Variants in EPS15 observed in about 807,000 individuals in gnomAD.
The protein encoded by EPS15 is epidermal growth factor receptor substrate 15.
A neutral mutation model predicts 113.8 loss-of-function variants in EPS15; 72 were observed. That is an observed-to-expected ratio of 0.63 (90% CI 0.52 to 0.77). The LOEUF is 0.77. Among genes scored for constraint, EPS15 ranks in the 30% least tolerant of loss-of-function variants. The pLI is 0.00. For synonymous variants in EPS15, 344 were observed against 363.4 expected (o/e 0.95, Z 0.61); for missense variants, 1,048 against 1,045.8 (o/e 1.00, Z -0.03).
Position 51,400,936 on chromosome 1 carries a change from C to A in EPS15, c.1900G>T (p.Asp634Tyr). The A allele has an allele frequency of 6.3e-7, 1 of 1,587,666 alleles. No individual in the cohort carries two copies. Reference protein sequence around the residue: ...PFVGSDPFKDDPFGKIDPFGG... With the variant: ...PFVGSDPFKDYPFGKIDPFGG... ...TACTGACCGATTTTTCCAAAAGGATCATCCTTGAAAGGATCACCTGTGATA... is the reference window on the plus strand; with the variant it reads ...TACTGACCGATTTTTCCAAAAGGATAATCCTTGAAAGGATCACCTGTGATA... The change falls in exon 19 of 25, where the codon GAT becomes TAT. Residue 634 changes from aspartate (D) to tyrosine (Y), a missense_variant. Physicochemically the swap from Asp to Tyr is radical, Grantham distance 160. Transcript: ENST00000371733.
In EPS15 at chr1:51,463,672, C is replaced by T. The variant is rs751317287; in HGVS notation, c.501+1G>A. 3 of 1,569,376 alleles carry T rather than the reference C, an allele frequency of 1.9e-6. No homozygotes were observed. The highest frequency in any genetic ancestry group is 1.2e-5 in the South Asian group (1 of 86,604). On this transcript the variant is annotated splice_donor_variant, in intron 7 of 24. Transcript: ENST00000371733. LOFTEE classifies it high-confidence loss of function. ...ACATTTCGGAGTAAATAATATCTTA[C>T]TCTTCCAAGGATATCCACAGGTAAC...
At chr1:51,479,039 T>C (rs1038441154) in intron 2 of EPS15, among the ~76,000 whole-genome samples, 1 of 152,230 alleles carries the variant, frequency 6.6e-6, no homozygotes, top group African/African-American at 2.4e-5. Flanking sequence ...CTGGATAATA[T>C]CCTGAAGAGT....
intron 1 of EPS15, among the ~76,000 whole-genome samples, chr1:51,501,069 G>A (rs369166187): frequency 2.6e-5 from 4 of 151,894 alleles, no homozygotes; most frequent in African/African-American, 4.8e-5. Context: ...AAGAAAAAAC[G>A]TACTATAAAT....
chr1:51,434,226 G>C (rs972338961), intron 12 of EPS15, among the ~76,000 whole-genome samples: 2 of 152,208 alleles, frequency 1.3e-5, no homozygotes, highest in African/African-American at 4.8e-5. Flanking sequence ...GCAGGGTCTT[G>C]AAATGGTATT....
intron 1 of EPS15, among the ~76,000 whole-genome samples, chr1:51,510,504 A>G (rs1320961416): frequency 6.6e-6 from 1 of 152,230 alleles, no homozygotes; most frequent in Non-Finnish European, 1.5e-5. Flanking sequence ...TAGGTGTTCT[A>G]GAAGCATCAG....
At chr1:51,493,532 A>T (rs201113797) in intron 1 of EPS15, among the ~76,000 whole-genome samples, 2 of 39,588 alleles carry the variant, frequency 5.1e-5, no homozygotes, top group African/African-American at 1.2e-4. Flanking sequence ...CTCAAATTAA[A>T]TAAATAAATA....
chr1:51,503,453 T>C (rs1570441628), intron 1 of EPS15, among the ~76,000 whole-genome samples: 6 of 152,232 alleles, frequency 3.9e-5, no homozygotes, highest in Admixed American at 1.3e-4. Context: ...CTAGCCAACA[T>C]GGTCTACTCT....
At chr1:51,372,483 TATTTGGA>T (rs1390194274) in intron 21 of EPS15, 1 of 533,476 alleles carries the variant, frequency 1.9e-6, no homozygotes, top group African/African-American at 1.9e-5. Context: ...AGACCATGAT[TATTTGGA>T]AAACATGTAT....
chr1:51,490,973 A>G (rs1332161709), intron 1 of EPS15, among the ~76,000 whole-genome samples: 1 of 152,160 alleles, frequency 6.6e-6, no homozygotes, highest in African/African-American at 2.4e-5. Flanking sequence ...GGGTGCATAG[A>G]GCCTCTCGGT....
chr1:51,423,356 TTA>T, intron 12 of EPS15: 3 of 1,115,144 alleles, frequency 2.7e-6, no homozygotes, highest in Non-Finnish European at 3.4e-6. Flanking sequence ...CTTATATAAA[TTA>T]AGCAAATTCA....
At position 51,394,441 on chromosome 1, in the gene EPS15, T is replaced by C. The variant is rs1647707033; in HGVS notation, c.2059A>G (p.Thr687Ala). 1 of 1,600,282 alleles carries C rather than the reference T, an allele frequency of 6.2e-7. No homozygotes were observed. The highest frequency in any genetic ancestry group is 1.3e-5 in the African/African-American group (1 of 74,732). ...ANNSSITSVE[T>A]LKHNDPFAPG... is the part of the protein sequence containing the mutation. The stretch of plus-strand genomic sequence containing the variant: ...GCAAAAGGATCATTGTGCTTCAACG[T>C]TTCTACCTAAACAAAGCATACAAAA... Residue 687 changes from threonine to alanine, a missense_variant, in exon 21 of 25, where the codon ACG becomes GCG. Physicochemically the swap from Thr to Ala is moderately conservative, Grantham distance 58. Coordinates refer to ENST00000371733, the MANE Select transcript of EPS15 (RefSeq NM_001981.3).
chr1:51,451,505 A>AAAAAAGAAAG (rs763389428), intron 8 of EPS15, among the ~76,000 whole-genome samples: 1,768 of 147,126 alleles, frequency 0.012, 8 homozygotes, highest in Non-Finnish European at 0.016. Flanking sequence ...AAAAAAAAAA[A>AAAAAAGAAAG]AAAGAAAGAA....
At chr1:51,411,857 G>A (rs1241742231) in intron 13 of EPS15, among the ~76,000 whole-genome samples, 1 of 152,150 alleles carries the variant, frequency 6.6e-6, no homozygotes, top group African/African-American at 2.4e-5. Flanking sequence ...CCATTACTGG[G>A]TATATACCCA....
intron 2 of EPS15, among the ~76,000 whole-genome samples, chr1:51,478,520 C>T (rs1446863395): frequency 1.3e-5 from 2 of 151,410 alleles, no homozygotes; most frequent in African/African-American, 2.4e-5. Context: ...GGTTGTTTCG[C>T]TTGTTAGTTG....
intron 3 of EPS15, among the ~76,000 whole-genome samples, 190 bp from the exon 4 acceptor site, chr1:51,471,927 CA>C (rs1655269127): frequency 6.6e-6 from 1 of 152,078 alleles, no homozygotes. Context: ...CCACAGGCCA[CA>C]TGCAGCCCAG....
intron 12 of EPS15, among the ~76,000 whole-genome samples, chr1:51,438,582 A>G (rs1357757643): frequency 6.6e-6 from 1 of 152,202 alleles, no homozygotes; most frequent in Non-Finnish European, 1.5e-5. Context: ...CATAGGCTTA[A>G]GAGGCCCAGA....
chr1:51,490,983 T>C (rs545031268), intron 1 of EPS15, among the ~76,000 whole-genome samples: 1 of 152,290 alleles, frequency 6.6e-6, no homozygotes, highest in East Asian at 1.9e-4. Flanking sequence ...AGCCTCTCGG[T>C]ACTACTTTTT....
intron 21 of EPS15, among the ~76,000 whole-genome samples, chr1:51,393,554 G>C (rs192911227): frequency 1.3e-5 from 2 of 152,254 alleles, no homozygotes; most frequent in African/African-American, 4.8e-5. Flanking sequence ...TCCTTAATTA[G>C]TCACAATTAA....
chr1:51,360,190 CAG>C (rs1646349983), intron 24 of EPS15, among the ~76,000 whole-genome samples: 1 of 151,980 alleles, frequency 6.6e-6, no homozygotes, highest in Non-Finnish European at 1.5e-5. Context: ...AAATATTAGG[CAG>C]AGTTACCTGG....
Sources: gnomAD v4.1 joint callset for allele counts (sites outside exome capture counted in the v4.1 genomes callset) on GRCh38, gnomAD v4.1.1 for gene constraint, MANE v1.5 for transcripts, NCBI Gene and HGNC (gene_info 2026-07-23, HGNC 2026-07-21) for gene names.